Variants in ST6GALNAC5 observed in about 807,000 individuals in gnomAD.
The protein encoded by ST6GALNAC5 is ST6 N-acetylgalactosaminide alpha-2,6-sialyltransferase 5.
Under a neutral mutation model 33.6 loss-of-function variants are expected in ST6GALNAC5, and 27 were observed. The observed-to-expected ratio is 0.80, with a 90% CI of 0.59 to 1.11. ST6GALNAC5 has a LOEUF of 1.11. ST6GALNAC5 is among the 50% of genes least tolerant of loss of function. The pLI, the probability that ST6GALNAC5 is intolerant of heterozygous loss-of-function variation, is 0.00. For synonymous variants in ST6GALNAC5, 194 were observed against 171.2 expected, an observed-to-expected ratio of 1.13 and a Z score of -1.04; for missense variants, 428 against 454.0, an observed-to-expected ratio of 0.94 and a Z score of 0.52.
At chr1:77,008,064 A>T (rs952503142) in intron 2 of ST6GALNAC5, among the ~76,000 whole-genome samples, 1 of 152,188 alleles carries the variant, frequency 6.6e-6, no homozygotes, top group Non-Finnish European at 1.5e-5. Context: ...CTATATTTTT[A>T]AAGTAGCACT....
At chr1:76,983,369 C>T (rs1004343374) in intron 2 of ST6GALNAC5, among the ~76,000 whole-genome samples, 4 of 152,080 alleles carry the variant, frequency 2.6e-5, no homozygotes, top group Non-Finnish European at 5.9e-5. Flanking sequence ...CAATCCTAGT[C>T]TCTGATAAAA....
At chr1:77,048,614 C>G (rs1163607648) in intron 3 of ST6GALNAC5, among the ~76,000 whole-genome samples, 1 of 152,040 alleles carries the variant, frequency 6.6e-6, no homozygotes, top group African/African-American at 2.4e-5. Context: ...TAATTCCTGC[C>G]CTGACTACTG....
At chr1:77,046,807 T>G (rs558094366) in intron 3 of ST6GALNAC5, among the ~76,000 whole-genome samples, 35 of 152,352 alleles carry the variant, frequency 2.3e-4, no homozygotes, top group African/African-American at 8.2e-4. Flanking sequence ...GGTTGATTGC[T>G]AAATAAGTAT....
At chr1:76,964,065 C>T (rs1264394196) in intron 2 of ST6GALNAC5, among the ~76,000 whole-genome samples, 2 of 152,102 alleles carry the variant, frequency 1.3e-5, no homozygotes, top group African/African-American at 2.4e-5. Context: ...TTTTTGGAGT[C>T]TTCAGAAAGG....
rs577150779 is a variant in ST6GALNAC5 at position 76,899,076 on chromosome 1, G to A, written c.261+30334G>A. Among the ~76,000 whole-genome samples the A allele has an allele frequency of 4.2e-4, 64 of 152,294 alleles. 1 individual carries two copies. Among genetic ancestry groups the A allele is most frequent in the African/African-American group, 1.4e-3 (57 of 41,552 alleles). On this transcript the variant is annotated intron_variant, in intron 2 of 4. Transcript: ENST00000477717. Reference sequence around the variant, plus strand: ...TTATGACAAAAATTATTTAGAACTTGTAGGGTGGAAAAATTGAAAGTGCCA... The same window carrying A: ...TTATGACAAAAATTATTTAGAACTTATAGGGTGGAAAAATTGAAAGTGCCA...
At chr1:76,955,674 T>C (rs896393608) in intron 2 of ST6GALNAC5, among the ~76,000 whole-genome samples, 2 of 152,180 alleles carry the variant, frequency 1.3e-5, no homozygotes, top group African/African-American at 4.8e-5. Flanking sequence ...TGTAATGAAG[T>C]CCATAAATCC....
intron 2 of ST6GALNAC5, among the ~76,000 whole-genome samples, chr1:76,915,040 C>T (rs1298240361): frequency 6.6e-6 from 1 of 151,846 alleles, no homozygotes; most frequent in African/African-American, 2.4e-5. Flanking sequence ...AGGATATGAA[C>T]AGACACTTCT....
Position 76,882,670 on chromosome 1 carries a change from A to T in ST6GALNAC5, c.261+13928A>T, listed in dbSNP as rs117833830. On this transcript the variant is annotated intron_variant, in intron 2 of 4. Coordinates refer to ENST00000477717, the MANE Select transcript of ST6GALNAC5 (RefSeq NM_030965.3). ...AAATGCAGTGCCAAATAATTTTTTA[A>T]TAAGAAAGCATATTCTGGAAATTAA... 9.9e-3 allele frequency among the ~76,000 whole-genome samples: 1,510 copies of T among 152,300 alleles called. 65 individuals are homozygous for T. The highest frequency in any genetic ancestry group is 0.076 in the Admixed American group (1,161 of 15,296).
At chr1:76,941,015 A>G (rs1647320298) in intron 2 of ST6GALNAC5, among the ~76,000 whole-genome samples, 1 of 152,058 alleles carries the variant, frequency 6.6e-6, no homozygotes, top group Admixed American at 6.6e-5. Context: ...AATTGGGGGT[A>G]AAATTGAATA....
At chr1:77,057,879 G>C (rs931556710) in intron 4 of ST6GALNAC5, among the ~76,000 whole-genome samples, 1 of 152,124 alleles carries the variant, frequency 6.6e-6, no homozygotes, top group Non-Finnish European at 1.5e-5. Flanking sequence ...GTAAAACTTA[G>C]CTTTAGAAGA....
intron 2 of ST6GALNAC5, among the ~76,000 whole-genome samples, chr1:76,934,974 A>G (rs1164370824): frequency 6.6e-6 from 1 of 152,100 alleles, no homozygotes; most frequent in East Asian, 1.9e-4. Context: ...TGATTGTTTC[A>G]TAAGTCAAAT....
intron 2 of ST6GALNAC5, among the ~76,000 whole-genome samples, chr1:76,960,199 T>TA (rs1328957150): frequency 6.6e-6 from 1 of 151,906 alleles, no homozygotes; most frequent in Non-Finnish European, 1.5e-5. Context: ...GTCTGAGAAA[T>TA]AAAGGGACAG....
chr1:76,948,205 C>T (rs145563524), intron 2 of ST6GALNAC5, among the ~76,000 whole-genome samples: 47 of 152,206 alleles, frequency 3.1e-4, no homozygotes, highest in African/African-American at 1.1e-3. Context: ...GTGAAACCCC[C>T]CACCTTTGCA....
intron 2 of ST6GALNAC5, among the ~76,000 whole-genome samples, chr1:77,002,029 CT>C (rs1373398726): frequency 6.6e-6 from 1 of 152,142 alleles, no homozygotes; most frequent in Non-Finnish European, 1.5e-5. Context: ...AGGATTCCCT[CT>C]TTTTCTATTG....
At chr1:76,948,175 G>A (rs17099761) in intron 2 of ST6GALNAC5, among the ~76,000 whole-genome samples, 3,099 of 152,226 alleles carry the variant, frequency 0.02, 101 homozygotes, top group African/African-American at 0.07. Context: ...GTCTATAAGG[G>A]CCAGGTTTAG....
chr1:76,927,789 C>A (rs1647100713), intron 2 of ST6GALNAC5, among the ~76,000 whole-genome samples: 1 of 151,990 alleles, frequency 6.6e-6, no homozygotes, highest in Non-Finnish European at 1.5e-5. Flanking sequence ...TGTATCTATT[C>A]TCTTTAGGCT....
At chr1:77,044,115 T>G in intron 2 of ST6GALNAC5, 89 bp from the exon 3 acceptor site, 2 of 1,419,716 alleles carry the variant, frequency 1.4e-6, no homozygotes, top group Non-Finnish European at 1.9e-6. Context: ...ATGGGTGCCC[T>G]TCTTCAAAGG....
In ST6GALNAC5 at chr1:77,066,895, T is replaced by C. The variant is rs58416742; in HGVS notation, c.*3689T>C. Among the ~76,000 whole-genome samples the C allele has an allele frequency of 0.056, 8,521 of 152,276 alleles. 294 individuals carry two copies. Among genetic ancestry groups the C allele is most frequent in the Middle Eastern group, 0.095 (28 of 294 alleles). Reference sequence around the variant, plus strand: ...CTGTTAAGGTCTTCCTTGTAGGTTTTTAAACTAAAGATCTATCTGGGAAAC... The same window carrying C: ...CTGTTAAGGTCTTCCTTGTAGGTTTCTAAACTAAAGATCTATCTGGGAAAC... On this transcript the variant is annotated 3_prime_UTR_variant, in exon 5 of 5. Transcript: ENST00000477717.
intron 2 of ST6GALNAC5, among the ~76,000 whole-genome samples, chr1:77,043,290 G>A (rs1364987219): frequency 2.0e-5 from 3 of 152,342 alleles, no homozygotes; most frequent in East Asian, 3.9e-4. Context: ...ATGAACACGG[G>A]AATGTTTAAT....
Sources: gnomAD v4.1 joint callset for allele counts (sites outside exome capture counted in the v4.1 genomes callset) on GRCh38, gnomAD v4.1.1 for gene constraint, MANE v1.5 for transcripts, NCBI Gene and HGNC (gene_info 2026-07-23, HGNC 2026-07-21) for gene names.